TBC1D19: variants seen among roughly 807,000 people sequenced by gnomAD.
TBC1D19 encodes TBC1 domain family member 19.
In TBC1D19, 60 loss-of-function variants were observed where a neutral mutation model predicts 89.0. The observed-to-expected ratio is 0.67, with a 90% CI of 0.55 to 0.84. TBC1D19 has a LOEUF of 0.84. Among genes scored for constraint, TBC1D19 ranks in the 40% least tolerant of loss-of-function variants. The pLI, the probability that TBC1D19 is intolerant of heterozygous loss-of-function variation, is 0.00. For missense variants in TBC1D19, 500 were observed against 610.8 expected (o/e 0.82, Z 1.91); for synonymous variants, 189 against 199.7 (o/e 0.95, Z 0.45).
At chr4:26,641,168 A>G (rs1212775615) in intron 7 of TBC1D19, among the ~76,000 whole-genome samples, 1 of 152,218 alleles carries the variant, frequency 6.6e-6, no homozygotes, top group Non-Finnish European at 1.5e-5. Context: ...CTGACACCTC[A>G]TACAGGCCAG....
At chr4:26,851,983 G>C in the TBC1D19 span, among the ~76,000 whole-genome samples, 1 of 152,200 alleles carries the variant, frequency 6.6e-6, no homozygotes, top group African/African-American at 2.4e-5. Context: ...TCCATATGCT[G>C]GTGACTCCTA....
At chr4:26,636,266 A>T (rs1393121210) in intron 4 of TBC1D19, among the ~76,000 whole-genome samples, 2 of 152,202 alleles carry the variant, frequency 1.3e-5, no homozygotes, top group Middle Eastern at 6.8e-3. Flanking sequence ...GACAAAAAAC[A>T]TCATATGGCA....
chr4:26,666,702 C>G (rs1243019847), intron 9 of TBC1D19, among the ~76,000 whole-genome samples: 1 of 151,898 alleles, frequency 6.6e-6, no homozygotes, highest in African/African-American at 2.4e-5. Flanking sequence ...TCCTGGCCAT[C>G]AGCATCTGTT....
intron 12 of TBC1D19, among the ~76,000 whole-genome samples, chr4:26,687,911 G>A (rs570869413): frequency 6.6e-6 from 1 of 152,260 alleles, no homozygotes; most frequent in East Asian, 1.9e-4. Flanking sequence ...GTGGTGACTT[G>A]CAAGTGAATA....
chr4:26,717,948 T>A lies in TBC1D19; in HGVS notation c.970T>A (p.Ser324Thr), dbSNP rs1328994936. The A allele has an allele frequency of 6.2e-7, 1 of 1,611,996 alleles. No individual in the cohort carries two copies. Among genetic ancestry groups the A allele is most frequent in the East Asian group, 2.2e-5 (1 of 44,854 alleles). The stretch of plus-strand genomic sequence containing the variant: ...TTATATTCAGGTATTACTTTGTTTT[T>A]CCCGGGATACATCTGTGTTGAGTCA... ...DYLYQVLLCF[S>T]RDTSVLSHFA... Residue 324 changes from serine to threonine, a missense_variant, in exon 14 of 21, where the codon TCC becomes ACC. Coordinates refer to ENST00000264866, the MANE Select transcript of TBC1D19 (RefSeq NM_018317.4).
intron 15 of TBC1D19, among the ~76,000 whole-genome samples, chr4:26,727,796 GTATTT>G (rs1188893764): frequency 1.4e-4 from 22 of 152,126 alleles, no homozygotes; most frequent in African/African-American, 5.1e-4. Flanking sequence ...TTATATTTTA[GTATTT>G]TATTTATAAG....
intron 15 of TBC1D19, among the ~76,000 whole-genome samples, chr4:26,728,812 G>A (rs1717477842): frequency 1.3e-5 from 2 of 152,096 alleles, no homozygotes; most frequent in South Asian, 4.2e-4. Flanking sequence ...AGGAGATCGA[G>A]ACCATCCTGG....
intron 18 of TBC1D19, among the ~76,000 whole-genome samples, chr4:26,748,151 G>T (rs898673447): frequency 6.6e-6 from 1 of 152,098 alleles, no homozygotes; most frequent in South Asian, 2.1e-4. Context: ...TGTAGAAATG[G>T]GTTTTATAAA....
intron 11 of TBC1D19, among the ~76,000 whole-genome samples, chr4:26,675,375 G>A (rs373860172): frequency 2.6e-4 from 40 of 152,048 alleles, no homozygotes; most frequent in African/African-American, 9.6e-4. Context: ...TTTACTACTT[G>A]TAGGTGTTTT....
rs56762622 is a variant in TBC1D19, at chr4:26,656,958, T to TTTCTTCTTCTTCTTCTTCTTCTTCTTC, written c.481-2631_481-2605dup. ...GGTTTAGAGGAGATGCCCTGCAATC[T>TTTCTTCTTCTTCTTCTTCTTCTTCTTC]TTCTTCTTCTTCTTCTTCTTCTTCT... is the stretch of plus-strand genomic sequence containing the variant. On this transcript the variant is annotated intron_variant, in intron 7 of 20. Transcript: ENST00000264866. Among the ~76,000 whole-genome samples the TTTCTTCTTCTTCTTCTTCTTCTTCTTC allele has an allele frequency of 6.0e-3, 289 of 47,860 alleles. 70 individuals are homozygous for TTTCTTCTTCTTCTTCTTCTTCTTCTTC. The highest frequency in any genetic ancestry group is 0.018 in the East Asian group (26 of 1,424). 31.4% of individuals were successfully genotyped at this position (47,860 alleles called of 152,430 possible). A position where few individuals can be genotyped will look rare whatever the true frequency, so the allele number is the denominator to read the frequency against.
chr4:26,714,059 C>T (rs532090659), intron 13 of TBC1D19, among the ~76,000 whole-genome samples: 38 of 152,104 alleles, frequency 2.5e-4, no homozygotes, highest in South Asian at 6.2e-4. Context: ...AAAATGAATG[C>T]AGCGGGTCAA....
At chr4:26,733,976 A>T (rs1162827577) in intron 15 of TBC1D19, among the ~76,000 whole-genome samples, 2 of 152,214 alleles carry the variant, frequency 1.3e-5, no homozygotes, top group Non-Finnish European at 2.9e-5. Context: ...ATCTCAGGAA[A>T]ATTTGAAGAA....
intron 15 of TBC1D19, among the ~76,000 whole-genome samples, chr4:26,731,215 A>C (rs551445459): frequency 6.6e-6 from 1 of 152,114 alleles, no homozygotes; most frequent in African/African-American, 2.4e-5. Flanking sequence ...TATCAGGGAG[A>C]TCTTTCTAGG....
chr4:26,612,138 C>T (rs1337203685), intron 1 of TBC1D19, among the ~76,000 whole-genome samples: 1 of 151,508 alleles, frequency 6.6e-6, no homozygotes, highest in Non-Finnish European at 1.5e-5. Flanking sequence ...GTTGGTTTAT[C>T]CTCAGCTGCT....
At chr4:26,840,100 T>G in the TBC1D19 span, among the ~76,000 whole-genome samples, 18 of 152,224 alleles carry the variant, frequency 1.2e-4, no homozygotes, top group African/African-American at 4.3e-4. Context: ...TTCTTTCTTT[T>G]TGACTGAGTT....
intron 15 of TBC1D19, among the ~76,000 whole-genome samples, chr4:26,732,174 C>G (rs981072956): frequency 1.3e-5 from 2 of 152,218 alleles, no homozygotes; most frequent in African/African-American, 4.8e-5. Context: ...TGCTTCTACT[C>G]TGCTTCGTTA....
intron 11 of TBC1D19, among the ~76,000 whole-genome samples, chr4:26,677,338 A>G (rs926808233): frequency 1.6e-5 from 2 of 127,064 alleles, no homozygotes; most frequent in African/African-American, 5.6e-5. Context: ...TTTTTTTTTG[A>G]GACGAAGTCT....
chr4:26,785,669 G>A, the TBC1D19 span, among the ~76,000 whole-genome samples: 1 of 152,190 alleles, frequency 6.6e-6, no homozygotes, highest in African/African-American at 2.4e-5. Context: ...GGGGACCACG[G>A]CATTGCATGC....
chr4:26,644,773 C>A (rs1743799950), intron 7 of TBC1D19, among the ~76,000 whole-genome samples: 1 of 152,152 alleles, frequency 6.6e-6, no homozygotes, highest in Non-Finnish European at 1.5e-5. Flanking sequence ...TCTTATACAC[C>A]AATAACAGGC....
Sources: gnomAD v4.1 joint callset for allele counts (sites outside exome capture counted in the v4.1 genomes callset) on GRCh38, gnomAD v4.1.1 for gene constraint, MANE v1.5 for transcripts, NCBI Gene and HGNC (gene_info 2026-07-23, HGNC 2026-07-21) for gene names.